The following HECTD2 variants were observed in gnomAD, a reference collection of about 807,000 sequenced individuals.
The protein encoded by HECTD2 is probable E3 ubiquitin-protein ligase HECTD2.
A neutral mutation model predicts 103.2 loss-of-function variants in HECTD2; 35 were observed. That is an observed-to-expected ratio of 0.34 (90% CI 0.26 to 0.45). The LOEUF is 0.45. HECTD2 is among the 20% of genes least tolerant of loss of function. HECTD2 has a pLI of 1.00. For missense variants in HECTD2, 596 were observed against 937.4 expected (o/e 0.64, Z 4.76); for synonymous variants, 281 against 329.9 (o/e 0.85, Z 1.61).
intron 20 of HECTD2, among the ~76,000 whole-genome samples, chr10:91,505,504 C>A (rs1028599913): frequency 1.3e-5 from 2 of 151,636 alleles, no homozygotes; most frequent in African/African-American, 2.4e-5. Flanking sequence ...TTTAAACCAA[C>A]AAAGATCAAA....
Position 91,514,646 on chromosome 10 carries a change from A to G in HECTD2, c.*2262A>G, listed in dbSNP as rs1847544283. On this transcript the variant is annotated 3_prime_UTR_variant, in exon 21 of 21. Transcript: ENST00000298068. ...CCTTTTTTAAAATCTTTGCTTAGTC[A>G]GTCATATTTTTGTCTGTATGATTAG... is the stretch of plus-strand genomic sequence containing the variant. The G allele has an allele frequency of 6.6e-6, 1 of 152,478 alleles. No individual in the cohort carries two copies. The highest frequency in any genetic ancestry group is 1.5e-5 in the Non-Finnish European group (1 of 67,986). The allele number at this position is 152,478 out of a possible 1,614,324, so 9.4% of individuals were successfully genotyped here. A position where few individuals can be genotyped will look rare whatever the true frequency, so the allele number is the denominator to read the frequency against.
intron 16 of HECTD2, 58 bp from the exon 17 acceptor site, chr10:91,498,814 C>A: frequency 9.6e-7 from 1 of 1,039,676 alleles, no homozygotes; most frequent in Non-Finnish European, 1.4e-6. Context: ...CAAACCTGTT[C>A]ACCAAAGTAT....
At chr10:91,420,025 A>C (rs575717622) in intron 1 of HECTD2, among the ~76,000 whole-genome samples, 5 of 152,184 alleles carry the variant, frequency 3.3e-5, no homozygotes, top group Admixed American at 6.5e-5. Flanking sequence ...AATATTAATC[A>C]TTTTGCCATT....
intron 20 of HECTD2, among the ~76,000 whole-genome samples, chr10:91,507,518 A>C (rs1847238737): frequency 6.6e-6 from 1 of 152,242 alleles, no homozygotes; most frequent in Non-Finnish European, 1.5e-5. Context: ...ACTCCCATTC[A>C]CAACTGCTTC....
intron 2 of HECTD2, among the ~76,000 whole-genome samples, chr10:91,454,146 T>C (rs1481700976): frequency 6.6e-6 from 1 of 152,096 alleles, no homozygotes; most frequent in African/African-American, 2.4e-5. Context: ...AACAAGTATG[T>C]AGAATATAGA....
intron 14 of HECTD2, among the ~76,000 whole-genome samples, chr10:91,495,301 A>C (rs1176131267): frequency 6.6e-6 from 1 of 152,018 alleles, no homozygotes; most frequent in East Asian, 1.9e-4. Context: ...TCAGGACCAA[A>C]GATGTGTTGT....
At chr10:91,412,670 G>GTGTGTA (rs1372702891) in intron 1 of HECTD2, among the ~76,000 whole-genome samples, 1 of 148,668 alleles carries the variant, frequency 6.7e-6, no homozygotes, top group Admixed American at 6.7e-5. Context: ...GTGGCAGAAT[G>GTGTGTA]TGTGTGTGTG....
intron 16 of HECTD2, 49 bp downstream of exon 16, chr10:91,498,231 GAACAGTGCAATTTGTT>G: frequency 1.5e-5 from 19 of 1,251,998 alleles, no homozygotes; most frequent in Non-Finnish European, 1.8e-5. Flanking sequence ...TTTCATATAT[GAACAGTGCAATTTGTT>G]ATTAAATACC....
chr10:91,431,586 T>C (rs1230470227), intron 2 of HECTD2, among the ~76,000 whole-genome samples: 4 of 152,028 alleles, frequency 2.6e-5, no homozygotes, highest in African/African-American at 7.2e-5. Context: ...TTTCTTTTTA[T>C]TCTTTTTTCT....
At chr10:91,473,788 A>T (rs1589522059) in intron 5 of HECTD2, among the ~76,000 whole-genome samples, 1 of 152,240 alleles carries the variant, frequency 6.6e-6, no homozygotes, top group African/African-American at 2.4e-5. Flanking sequence ...TACATAATAC[A>T]TATAAAATAT....
intron 3 of HECTD2, among the ~76,000 whole-genome samples, chr10:91,460,864 A>T (rs1176605206): frequency 6.6e-6 from 1 of 152,184 alleles, no homozygotes; most frequent in African/African-American, 2.4e-5. Flanking sequence ...TTTTAGAAAT[A>T]AGAGTTCATT....
Position 91,410,553 on chromosome 10 carries a change from T to A in HECTD2, c.115T>A (p.Ser39Thr). 3.5e-6 allele frequency: 5 copies of A among 1,445,058 alleles called. No homozygotes were observed. The highest frequency in any genetic ancestry group is 4.6e-6 in the Non-Finnish European group (5 of 1,098,588). The allele number at this position is 1,445,058 out of a possible 1,614,324, so 89.5% of individuals were successfully genotyped here. ...SEREKLPPIV[S>T]AGAGATAGLD... ...GCGCGAGAAGCTGCCGCCCATCGTA[T>A]CGGCGGGCGCCGGCGCGACCGCGGT... The change falls in exon 1 of 21, where the codon TCG (serine) becomes ACG (threonine). Residue 39 changes from serine (S) to threonine (T), a missense_variant. Physicochemically the swap from Ser to Thr is moderately conservative, Grantham distance 58. Around this residue, in one of 4 missense-constraint regions of HECTD2, gnomAD observed 220 missense variants for 233.9 expected, o/e 0.94. Transcript: ENST00000298068.
chr10:91,463,024 C>A (rs1845407876), intron 5 of HECTD2: 2 of 151,786 alleles, frequency 1.3e-5, no homozygotes, highest in East Asian at 1.9e-4. Flanking sequence ...GAAATACTTT[C>A]ATATATTTAT....
At chr10:91,445,684 C>A (rs1844573649) in intron 2 of HECTD2, among the ~76,000 whole-genome samples, 1 of 152,002 alleles carries the variant, frequency 6.6e-6, no homozygotes, top group South Asian at 2.1e-4. Context: ...ACTGAGGTAC[C>A]CAGCTCATCT....
intron 2 of HECTD2, among the ~76,000 whole-genome samples, chr10:91,439,468 C>T (rs567370577): frequency 5.3e-5 from 8 of 152,240 alleles, no homozygotes; most frequent in African/African-American, 1.7e-4. Flanking sequence ...CAGTATCATG[C>T]TGTTTTGGTT....
intron 2 of HECTD2, among the ~76,000 whole-genome samples, chr10:91,450,482 A>G (rs1414042316): frequency 2.0e-5 from 3 of 152,206 alleles, no homozygotes; most frequent in Non-Finnish European, 4.4e-5. Flanking sequence ...CTTCACGGCT[A>G]AAACACCAAA....
At chr10:91,483,961 C>T (rs1006940523) in intron 8 of HECTD2, 2 of 195,084 alleles carry the variant, frequency 1.0e-5, no homozygotes, top group Admixed American at 5.5e-5. Context: ...CACTAGACAG[C>T]ATTTTAGCAC....
chr10:91,445,457 T>C (rs1452965803), intron 2 of HECTD2, among the ~76,000 whole-genome samples: 2 of 152,116 alleles, frequency 1.3e-5, no homozygotes, highest in Admixed American at 1.3e-4. Context: ...TAATAAGTAA[T>C]GAAAAAGCAG....
At chr10:91,441,864 G>C (rs1844399246) in intron 2 of HECTD2, among the ~76,000 whole-genome samples, 1 of 134,030 alleles carries the variant, frequency 7.5e-6, no homozygotes, top group African/African-American at 2.8e-5. Flanking sequence ...TGTTTCATCA[G>C]AGACTAGGAT....
Sources: allele counts gnomAD v4.1 joint callset (sites outside exome capture counted in the v4.1 genomes callset), GRCh38; gene constraint gnomAD v4.1.1; regional missense constraint gnomAD v4.1.1; transcripts MANE v1.5; gene names NCBI Gene and HGNC (gene_info 2026-07-23, HGNC 2026-07-21).